The following TRABD2B variants were observed in gnomAD, a reference collection of about 807,000 sequenced individuals.
The protein encoded by TRABD2B is metalloprotease TIKI2.
TRABD2B carries 14 observed loss-of-function variants against 40.1 expected under a neutral mutation model. The observed-to-expected ratio is 0.35, with a 90% confidence interval of 0.23 to 0.55. The LOEUF is 0.55. Ranked by LOEUF, TRABD2B falls within the 20% of genes least tolerant of loss-of-function variation. TRABD2B has a pLI of 0.90. For synonymous variants in TRABD2B, 263 were observed against 277.0 expected, an observed-to-expected ratio of 0.95 and a Z score of 0.50; for missense variants, 541 against 648.6, an observed-to-expected ratio of 0.83 and a Z score of 1.80.
intron 2 of TRABD2B, among the ~76,000 whole-genome samples, chr1:47,893,161 G>C (rs1487538268): frequency 1.3e-5 from 2 of 152,060 alleles, no homozygotes; most frequent in Admixed American, 1.3e-4. Context: ...AGGAGAAGTG[G>C]ATAAAGTTAG....
At chr1:47,937,889 G>A (rs1358888098) in intron 2 of TRABD2B, among the ~76,000 whole-genome samples, 3 of 152,182 alleles carry the variant, frequency 2.0e-5, no homozygotes, top group Non-Finnish European at 4.4e-5. Context: ...ACTCAGTGAA[G>A]GATTGAAGCA....
chr1:47,961,727 G>C (rs1264687717), intron 2 of TRABD2B, among the ~76,000 whole-genome samples: 4 of 152,164 alleles, frequency 2.6e-5, no homozygotes, highest in African/African-American at 9.7e-5. Flanking sequence ...GTGCTGGAGA[G>C]GATGTGGAGA....
chr1:47,964,636 A>G (rs1271958623), intron 2 of TRABD2B, among the ~76,000 whole-genome samples: 4 of 152,150 alleles, frequency 2.6e-5, no homozygotes, highest in Non-Finnish European at 5.9e-5. Context: ...TTGAAATTTT[A>G]GTTATCTTTA....
intron 2 of TRABD2B, among the ~76,000 whole-genome samples, chr1:47,838,557 AG>A (rs1395919858): frequency 6.6e-6 from 1 of 152,230 alleles, no homozygotes; most frequent in East Asian, 1.9e-4. Context: ...GTAACCCAAG[AG>A]TGTTGAACAA....
chr1:47,823,351 G>T (rs774909858), intron 2 of TRABD2B, among the ~76,000 whole-genome samples: 3 of 152,260 alleles, frequency 2.0e-5, no homozygotes, highest in Non-Finnish European at 4.4e-5. Context: ...TCGTGCCTGG[G>T]TCACTGACTG....
intron 2 of TRABD2B, among the ~76,000 whole-genome samples, chr1:47,871,920 G>A (rs183207681): frequency 1.3e-5 from 2 of 152,332 alleles, no homozygotes; most frequent in East Asian, 1.9e-4. Context: ...AAGGACCAAG[G>A]GGGCCAACAG....
intron 2 of TRABD2B, among the ~76,000 whole-genome samples, chr1:47,969,624 C>T (rs1383136633): frequency 1.3e-5 from 2 of 152,206 alleles, no homozygotes; most frequent in Non-Finnish European, 2.9e-5. Flanking sequence ...TGATGTTTCC[C>T]CACACCCAGG....
intron 2 of TRABD2B, among the ~76,000 whole-genome samples, chr1:47,865,214 T>C (rs371885222): frequency 2.0e-5 from 3 of 152,114 alleles, no homozygotes; most frequent in Non-Finnish European, 4.4e-5. Context: ...AGCATCACAG[T>C]AGGGCCCAGG....
At chr1:47,858,440 G>A (rs1450506076) in intron 2 of TRABD2B, among the ~76,000 whole-genome samples, 1 of 151,794 alleles carries the variant, frequency 6.6e-6, no homozygotes, top group Non-Finnish European at 1.5e-5. Context: ...AAATTTTTTT[G>A]TAGAAACAGG....
At chr1:47,990,980 T>C (rs1341437976) in intron 2 of TRABD2B, among the ~76,000 whole-genome samples, 4 of 151,098 alleles carry the variant, frequency 2.6e-5, no homozygotes, top group African/African-American at 9.7e-5. Flanking sequence ...GAAGGAAATA[T>C]CTCTACAAGT....
At position 47,996,378 on chromosome 1, in the gene TRABD2B, A is replaced by G. The variant is rs527749090; in HGVS notation, c.102+310T>C. Among the ~76,000 whole-genome samples, 2 of 152,272 alleles carry G rather than the reference A, an allele frequency of 1.3e-5. No homozygotes were observed. Among genetic ancestry groups the G allele is most frequent in the Admixed American group, 1.3e-4 (2 of 15,300 alleles). ...GACCAGAAGGGTAAAGACAGAAAAA[A>G]TATGAGAAAGGAGAGACAAAAAGGG... is the stretch of plus-strand genomic sequence containing the variant. On this transcript the variant is annotated intron_variant, in intron 1 of 6. Transcript: ENST00000606738. This position sits in a 1 kb window ranked among gnomAD's most constrained non-coding sequence, Gnocchi z 4.6.
At chr1:47,940,502 TGGAGCTGGTGCAGAA>T (rs1195480597) in intron 2 of TRABD2B, among the ~76,000 whole-genome samples, 3 of 152,212 alleles carry the variant, frequency 2.0e-5, no homozygotes, top group African/African-American at 7.2e-5. Context: ...AGAATCAAGC[TGGAGCTGGTGCAGAA>T]GTCACATGCC....
chr1:47,783,562 A>C (rs1056370352), intron 4 of TRABD2B, among the ~76,000 whole-genome samples: 4 of 152,200 alleles, frequency 2.6e-5, no homozygotes, highest in Admixed American at 1.3e-4. Flanking sequence ...GGATCTTAAA[A>C]ATTGCGGGGC....
chr1:47,971,393 C>T (rs570596428), intron 2 of TRABD2B, among the ~76,000 whole-genome samples: 1 of 152,194 alleles, frequency 6.6e-6, no homozygotes, highest in Admixed American at 6.5e-5. Flanking sequence ...GGAAAGCCAG[C>T]CTTGGGTATA....
At chr1:47,981,961 C>G (rs1318926023) in intron 2 of TRABD2B, among the ~76,000 whole-genome samples, 1 of 152,174 alleles carries the variant, frequency 6.6e-6, no homozygotes, top group African/African-American at 2.4e-5. Flanking sequence ...TAACCCAGGG[C>G]AGAGCTGGGC....
intron 2 of TRABD2B, among the ~76,000 whole-genome samples, chr1:47,871,192 G>A (rs897876762): frequency 6.6e-6 from 1 of 152,100 alleles, no homozygotes; most frequent in African/African-American, 2.4e-5. Flanking sequence ...GTAGTAAGGG[G>A]CTGAGAGTTA....
At chr1:47,829,440 C>T (rs1645220480) in intron 2 of TRABD2B, among the ~76,000 whole-genome samples, 1 of 152,100 alleles carries the variant, frequency 6.6e-6, no homozygotes, top group Admixed American at 6.5e-5. Flanking sequence ...GCTGGCATAT[C>T]ACTCCTGTGC....
At chr1:47,965,942 A>C (rs981987165) in intron 2 of TRABD2B, among the ~76,000 whole-genome samples, 7 of 152,098 alleles carry the variant, frequency 4.6e-5, no homozygotes, top group Non-Finnish European at 8.8e-5. Flanking sequence ...TGCAGCAGAC[A>C]CCCCTCACTG....
intron 2 of TRABD2B, among the ~76,000 whole-genome samples, chr1:47,851,675 A>G (rs1166705554): frequency 1.3e-5 from 2 of 152,204 alleles, no homozygotes; most frequent in African/African-American, 4.8e-5. Context: ...AATGGGAGTG[A>G]CAATCCCCAC....
Sources: allele counts gnomAD v4.1 joint callset (sites outside exome capture counted in the v4.1 genomes callset), GRCh38; gene constraint gnomAD v4.1.1; non-coding constraint Gnocchi (gnomAD v3.1); transcripts MANE v1.5; gene names NCBI Gene and HGNC (gene_info 2026-07-23, HGNC 2026-07-21).